The following RRBP1 variants were observed in gnomAD, a reference collection of about 807,000 sequenced individuals.
RRBP1 encodes ribosome-binding protein 1.
RRBP1 carries 94 observed loss-of-function variants against 165.2 expected under a neutral mutation model. That is an observed-to-expected ratio of 0.57 (90% CI 0.48 to 0.68). The LOEUF is 0.68. Among genes scored for constraint, RRBP1 ranks in the 30% least tolerant of loss-of-function variants. The pLI, the probability that RRBP1 is intolerant of heterozygous loss-of-function variation, is 0.00. For synonymous variants in RRBP1, 680 were observed against 714.5 expected, an observed-to-expected ratio of 0.95 and a Z score of 0.77; for missense variants, 1,676 against 1,763.0, an observed-to-expected ratio of 0.95 and a Z score of 0.88.
chr20:17,614,671 G>A, intron 24 of RRBP1, 66 bp downstream of exon 24: 1 of 1,590,614 alleles, frequency 6.3e-7, no homozygotes. Context: ...GCCTCTCCCG[G>A]TCCTGCCTCC....
intron 3 of RRBP1, among the ~76,000 whole-genome samples, chr20:17,644,953 ATCCATGG>A (rs893946191): frequency 3.9e-5 from 6 of 152,222 alleles, no homozygotes; most frequent in Admixed American, 6.5e-5. Flanking sequence ...TTTACATCAC[ATCCATGG>A]CTCACACGTG....
chr20:17,614,892 A>G lies in RRBP1; in HGVS notation c.4051-12T>C. 1.2e-6 allele frequency: 2 copies of G among 1,611,732 alleles called. No individual in the cohort carries two copies. The highest frequency in any genetic ancestry group is 8.5e-7 in the Non-Finnish European group (1 of 1,179,824). On this transcript the variant is annotated splice_polypyrimidine_tract_variant and intron_variant, in intron 23 of 24. Coordinates refer to ENST00000377813, the MANE Select transcript of RRBP1 (RefSeq NM_001365613.2). ...TTTTCTAGTCTCTCCTGATGGTCAG[A>G]AGGTTGACGGGCATCAGCCCTTGCA...
At position 17,672,952 on chromosome 20, in the gene RRBP1, G is replaced by C. The variant is rs73262684; in HGVS notation, c.-22+7047C>G. ...TCAATCACTGGTATTATTAAGAAGA[G>C]AGCAGGTATTCCCTGCCCACGATGG... is the stretch of plus-strand genomic sequence containing the variant. On this transcript the variant is annotated intron_variant, in intron 2 of 24. Coordinates refer to ENST00000377813, the MANE Select transcript of RRBP1 (RefSeq NM_001365613.2). Among the ~76,000 whole-genome samples, 975 of 152,288 alleles carry C rather than the reference G, an allele frequency of 6.4e-3. 16 individuals carry two copies. The highest frequency in any genetic ancestry group is 0.022 in the African/African-American group (903 of 41,548).
chr20:17,648,027 G>A lies in RRBP1; in HGVS notation c.1913-4900C>T, dbSNP rs561179333. On this transcript the variant is annotated intron_variant, in intron 3 of 24. Coordinates refer to ENST00000377813, the MANE Select transcript of RRBP1 (RefSeq NM_001365613.2). ...ATGCCTCCTGGAAGCCCAGCACCAC[G>A]CAAGCAGTCATCAGCCTCTGCAGAC... Among the ~76,000 whole-genome samples, 11 of 152,268 alleles carry A rather than the reference G, an allele frequency of 7.2e-5. No individual in the cohort carries two copies. The South Asian group carries it at 8.3e-4, about 11-fold the overall frequency.
At chr20:17,669,292 G>C (rs1358608954) in intron 2 of RRBP1, among the ~76,000 whole-genome samples, 1 of 152,184 alleles carries the variant, frequency 6.6e-6, no homozygotes, top group Non-Finnish European at 1.5e-5. Context: ...ACAGTCTTTG[G>C]AAAGTAGGTA....
intron 5 of RRBP1, among the ~76,000 whole-genome samples, chr20:17,637,441 A>G (rs981867000): frequency 1.3e-5 from 2 of 151,974 alleles, no homozygotes; most frequent in African/African-American, 2.4e-5. Flanking sequence ...GGTTGACACA[A>G]TGAGCCCCTG....
At chr20:17,641,405 C>T in intron 5 of RRBP1, 1 of 219,126 alleles carries the variant, frequency 4.6e-6, no homozygotes, top group South Asian at 7.4e-5. Context: ...AGAAAACAAC[C>T]TTGAATCTAC....
At chr20:17,616,497 C>T (rs1423481727) in intron 21 of RRBP1, among the ~76,000 whole-genome samples, 1 of 152,226 alleles carries the variant, frequency 6.6e-6, no homozygotes, top group Non-Finnish European at 1.5e-5. Flanking sequence ...CACGGACTCC[C>T]TCTTCGAGTC....
chr20:17,636,800 A>G, intron 5 of RRBP1, 71 bp from the exon 6 acceptor site: 1 of 1,581,744 alleles, frequency 6.3e-7, no homozygotes, highest in Non-Finnish European at 8.6e-7. Flanking sequence ...AGGGAGCAAG[A>G]GCATCACCCG....
At chr20:17,626,236 A>G (rs2036016578) in intron 11 of RRBP1, among the ~76,000 whole-genome samples, 1 of 152,218 alleles carries the variant, frequency 6.6e-6, no homozygotes, top group African/African-American at 2.4e-5. Context: ...CTACAACATG[A>G]GTTCATTATC....
At chr20:17,629,614 T>C (rs1384325056) in intron 9 of RRBP1, among the ~76,000 whole-genome samples, 1 of 148,876 alleles carries the variant, frequency 6.7e-6, no homozygotes, top group Non-Finnish European at 1.5e-5. Context: ...ACCTCTGGAC[T>C]GCGCCTATAG....
intron 2 of RRBP1, among the ~76,000 whole-genome samples, chr20:17,673,502 G>A (rs1043457435): frequency 5.9e-5 from 9 of 152,106 alleles, no homozygotes; most frequent in East Asian, 1.9e-4. Flanking sequence ...TCCGCCTCCC[G>A]GGTTCAATTG....
intron 19 of RRBP1, chr20:17,619,150 T>C (rs1247327928): frequency 5.7e-6 from 1 of 176,794 alleles, no homozygotes; most frequent in Non-Finnish European, 1.2e-5. Flanking sequence ...CTCAAATTTC[T>C]GGCCTCGAGC....
intron 9 of RRBP1, 92 bp downstream of exon 9, chr20:17,629,731 C>A: frequency 7.3e-7 from 1 of 1,366,358 alleles, no homozygotes; most frequent in Admixed American, 1.9e-5. Context: ...CAGGCCTAAC[C>A]CACTGAGTTC....
chr20:17,676,540 A>G (rs935823017), intron 2 of RRBP1, among the ~76,000 whole-genome samples: 1 of 152,168 alleles, frequency 6.6e-6, no homozygotes, highest in African/African-American at 2.4e-5. Flanking sequence ...CAAGCTGATG[A>G]CTAGTCCGGT....
rs149205655 is a variant in RRBP1 at position 17,625,695 on chromosome 20, C to T, written c.2964-93G>A. The T allele has an allele frequency of 2.7e-3, 2,853 of 1,041,710 alleles. 12 individuals are homozygous for T. Among genetic ancestry groups the T allele is most frequent in the Non-Finnish European group, 3.4e-3 (2,275 of 678,836 alleles). 64.5% of individuals were successfully genotyped at this position (1,041,710 alleles called of 1,614,324 possible). ...GGCCCCATCCAGGGAGGAGTACCTTCGAGGCTGAACCATCTGGCCAGGGAC... is the reference window on the plus strand; with the variant it reads ...GGCCCCATCCAGGGAGGAGTACCTTTGAGGCTGAACCATCTGGCCAGGGAC... On this transcript the variant is annotated intron_variant, in intron 11 of 24. Transcript: ENST00000377813.
Position 17,660,202 on chromosome 20 carries a change from A to G in RRBP1, c.306T>C (p.Ala102=). 2 of 1,613,992 alleles carry G rather than the reference A, an allele frequency of 1.2e-6. No homozygotes were observed. The highest frequency in any genetic ancestry group is 1.7e-6 in the Non-Finnish European group (2 of 1,179,970). ...GGGTTGGAGCCACAGCCACAGCAGG[A>G]GCCCGCACTGGTTCTCGAAGGAGGA... is the stretch of plus-strand genomic sequence containing the variant. ...VTVLLREPVR[A]PAVAVAPTPV... The change falls in exon 3 of 25, where the codon GCT becomes GCC. Residue 102 remains alanine, a synonymous_variant. Transcript: ENST00000377813.
Position 17,659,027 on chromosome 20 carries a change from C to A in RRBP1, c.1481G>T (p.Gly494Val). 2 of 1,578,004 alleles carry A rather than the reference C, an allele frequency of 1.3e-6. No individual in the cohort carries two copies. Among genetic ancestry groups the A allele is most frequent in the Non-Finnish European group, 1.7e-6 (2 of 1,161,230 alleles). Residue 494 changes from glycine (G) to valine (V), a missense_variant, in exon 3 of 25, where the codon GGG becomes GTG. By Grantham distance (109) the Gly-to-Val change is moderately radical. Around this residue, in one of 5 missense-constraint regions of RRBP1, gnomAD observed 1,184 missense variants for 1,167.1 expected, o/e 1.01. Transcript: ENST00000377813. ...GAQNQGKKAE[G>V]AQNQGKKAEG... ...GGCCTTTTTGCCCTGGTTCTGAGCCCCCTCGGCCTTCTTGCCCTGGTTCTG... is the reference window on the plus strand; with the variant it reads ...GGCCTTTTTGCCCTGGTTCTGAGCCACCTCGGCCTTCTTGCCCTGGTTCTG...
chr20:17,670,441 TAAA>T (rs11469381), intron 2 of RRBP1, among the ~76,000 whole-genome samples: 11 of 143,586 alleles, frequency 7.7e-5, no homozygotes, highest in Middle Eastern at 3.6e-3. Context: ...CAATTACCTT[TAAA>T]AAAAAAAAAA....
Sources: allele counts gnomAD v4.1 joint callset (sites outside exome capture counted in the v4.1 genomes callset), GRCh38; gene constraint gnomAD v4.1.1; regional missense constraint gnomAD v4.1.1; transcripts MANE v1.5; gene names NCBI Gene and HGNC (gene_info 2026-07-23, HGNC 2026-07-21).